OSBPL8: variants seen among roughly 807,000 people sequenced by gnomAD.
OSBPL8 encodes the protein oxysterol binding protein like 8, also known as oxysterol-binding protein-related protein 8.
In OSBPL8, 59 loss-of-function variants were observed where a neutral mutation model predicts 125.5. That is an observed-to-expected ratio of 0.47 (90% CI 0.38 to 0.58). The LOEUF (loss-of-function observed/expected upper bound fraction) is 0.58. Ranked by LOEUF, OSBPL8 falls within the 20% of genes least tolerant of loss-of-function variation. The pLI is 0.00. For synonymous variants in OSBPL8, 330 were observed against 338.9 expected (o/e 0.97, Z 0.29); for missense variants, 758 against 1,047.8 (o/e 0.72, Z 3.82).
chr12:76,514,707 A>C (rs1881357399), intron 1 of OSBPL8, among the ~76,000 whole-genome samples: 1 of 152,154 alleles, frequency 6.6e-6, no homozygotes, highest in African/African-American at 2.4e-5. Context: ...TCTCTAGCAA[A>C]GCTGGGGAAG....
intron 18 of OSBPL8, among the ~76,000 whole-genome samples, chr12:76,372,712 T>C (rs1165278315): frequency 2.6e-5 from 4 of 152,178 alleles, no homozygotes; most frequent in African/African-American, 9.7e-5. Flanking sequence ...TTCTTTTTAT[T>C]CATTTAAGCG....
intron 14 of OSBPL8, among the ~76,000 whole-genome samples, chr12:76,384,807 C>G (rs911971158): frequency 6.6e-6 from 1 of 152,170 alleles, no homozygotes; most frequent in Non-Finnish European, 1.5e-5. Flanking sequence ...CCAGCCCAGT[C>G]AAGCCTGTAG....
chr12:76,394,417 A>T (rs1041580776), intron 9 of OSBPL8, among the ~76,000 whole-genome samples: 1 of 152,222 alleles, frequency 6.6e-6, no homozygotes, highest in Non-Finnish European at 1.5e-5. Flanking sequence ...GATGAAGAAG[A>T]AAACTCTGAA....
At chr12:76,407,124 G>C (rs1954294217) in intron 5 of OSBPL8, among the ~76,000 whole-genome samples, 1 of 152,078 alleles carries the variant, frequency 6.6e-6, no homozygotes, top group Non-Finnish European at 1.5e-5. Context: ...AATAAATCTT[G>C]TTTTCCAAAA....
chr12:76,397,005 G>A, intron 8 of OSBPL8, among the ~76,000 whole-genome samples: 2 of 151,806 alleles, frequency 1.3e-5, no homozygotes, highest in Non-Finnish European at 2.9e-5. Context: ...TGCAGAGACA[G>A]GGTTTCACTA....
intron 1 of OSBPL8, among the ~76,000 whole-genome samples, chr12:76,505,597 C>G (rs1375539783): frequency 6.6e-6 from 1 of 151,934 alleles, no homozygotes; most frequent in African/African-American, 2.4e-5. Flanking sequence ...GATAGGATTG[C>G]CTGGAAAGGC....
In OSBPL8 at chr12:76,480,340, T is replaced by C. The variant is rs7975624; in HGVS notation, c.42+7170A>G. ...GGACAGTAAATACTTATGAATACAA[T>C]GATTTATCTAAGATTTGTTCAAAAA... On this transcript the variant is annotated intron_variant, in intron 2 of 23. Transcript: ENST00000261183. 4.8e-3 allele frequency among the ~76,000 whole-genome samples: 731 copies of C among 152,318 alleles called. 4 individuals are homozygous for C. Among genetic ancestry groups the C allele is most frequent in the Middle Eastern group, 0.014 (4 of 294 alleles).
chr12:76,464,212 T>C (rs1020458631), intron 2 of OSBPL8, among the ~76,000 whole-genome samples: 6 of 152,108 alleles, frequency 3.9e-5, no homozygotes, highest in African/African-American at 7.2e-5. Flanking sequence ...AAGGCTGCAG[T>C]GTACCACGAT....
chr12:76,525,885 A>C (rs1176111630), intron 1 of OSBPL8, among the ~76,000 whole-genome samples: 3 of 152,370 alleles, frequency 2.0e-5, no homozygotes, highest in Non-Finnish European at 4.4e-5. Flanking sequence ...ATTTCACTGA[A>C]CTAGTATTTT....
chr12:76,477,926 G>A (rs370965937), intron 2 of OSBPL8, among the ~76,000 whole-genome samples: 21 of 151,872 alleles, frequency 1.4e-4, no homozygotes, highest in Admixed American at 1.2e-3. Flanking sequence ...ATTCATGGCC[G>A]GGCATGGTGG....
chr12:76,440,134 T>C (rs1872000606), intron 4 of OSBPL8, among the ~76,000 whole-genome samples: 1 of 152,152 alleles, frequency 6.6e-6, no homozygotes. Flanking sequence ...GTTGTTGTCT[T>C]TCAAGAATTC....
chr12:76,528,480 C>G (rs145190196), intron 1 of OSBPL8, among the ~76,000 whole-genome samples: 2 of 151,974 alleles, frequency 1.3e-5, no homozygotes, highest in African/African-American at 2.4e-5. Context: ...TTTGAACAAT[C>G]CTTTTATATT....
chr12:76,412,854 C>T (rs1261270995), intron 4 of OSBPL8, among the ~76,000 whole-genome samples: 1 of 152,110 alleles, frequency 6.6e-6, no homozygotes, highest in African/African-American at 2.4e-5. Context: ...TGCCATGGAG[C>T]CTCTCAAGAC....
At chr12:76,542,943 A>T (rs79585429) in intron 1 of OSBPL8, among the ~76,000 whole-genome samples, 12,431 of 152,276 alleles carry the variant, frequency 0.082, 653 homozygotes, top group Admixed American at 0.12. Context: ...CAAAATCTTT[A>T]AACAAGATGT....
intron 1 of OSBPL8, among the ~76,000 whole-genome samples, chr12:76,541,204 C>T (rs929291413): frequency 5.9e-5 from 9 of 152,150 alleles, no homozygotes; most frequent in African/African-American, 2.2e-4. Context: ...TGTGGTCAGG[C>T]GCGGTGGCTC....
In OSBPL8 at chr12:76,456,283, T is replaced by G. The variant is rs377175490; in HGVS notation, c.79+3576A>C. Among the ~76,000 whole-genome samples, 45 of 152,296 alleles carry G rather than the reference T, an allele frequency of 3.0e-4. No individual in the cohort carries two copies. The South Asian group carries it at 8.9e-3, about 30-fold the overall frequency. The stretch of plus-strand genomic sequence containing the variant: ...CCAATAATTTAAATGTCAGTATAGA[T>G]CACGTACTTTTTTCATTCTATAGTA... On this transcript the variant is annotated intron_variant, in intron 3 of 23. Transcript: ENST00000261183.
rs1464860089 is a variant in OSBPL8, at chr12:76,396,483, G to A, written c.672+1211C>T. Reference sequence around the variant, plus strand: ...TTCGTAAAAACTTAAACTAGGCTAGGCATGGTGGCTCACATCTGTAATCCC... The same window carrying A: ...TTCGTAAAAACTTAAACTAGGCTAGACATGGTGGCTCACATCTGTAATCCC... On this transcript the variant is annotated intron_variant, in intron 8 of 23. Coordinates refer to ENST00000261183, the MANE Select transcript of OSBPL8 (RefSeq NM_020841.5). Among the ~76,000 whole-genome samples, 4 of 152,102 alleles carry A rather than the reference G, an allele frequency of 2.6e-5. No individual in the cohort carries two copies. In the South Asian group the frequency reaches 6.2e-4, roughly 24 times the overall value.
At chr12:76,505,440 G>GA (rs1880313949) in intron 1 of OSBPL8, among the ~76,000 whole-genome samples, 1 of 151,942 alleles carries the variant, frequency 6.6e-6, no homozygotes, top group South Asian at 2.1e-4. Context: ...TGAAGTACCT[G>GA]TAGTAATTTA....
chr12:76,402,586 C>T (rs1954095438), intron 6 of OSBPL8, 103 bp downstream of exon 6: 6 of 835,894 alleles, frequency 7.2e-6, no homozygotes, highest in Admixed American at 2.8e-5. Context: ...GATGTTTTTT[C>T]TTTCTTTAGG....
Sources: allele counts gnomAD v4.1 joint callset (sites outside exome capture counted in the v4.1 genomes callset), GRCh38; gene constraint gnomAD v4.1.1; transcripts MANE v1.5; gene names NCBI Gene and HGNC (gene_info 2026-07-23, HGNC 2026-07-21).